The following DENND2A variants were observed in gnomAD, a reference collection of about 807,000 sequenced individuals.
The protein encoded by DENND2A is DENN domain-containing protein 2A.
DENND2A carries 53 observed loss-of-function variants against 105.3 expected under a neutral mutation model. The observed-to-expected ratio is 0.50, with a 90% CI of 0.40 to 0.63. DENND2A has a LOEUF of 0.63. DENND2A is among the 30% of genes least tolerant of loss of function. The pLI is 0.00. For synonymous variants in DENND2A, 522 were observed against 508.4 expected (o/e 1.03, Z -0.36); for missense variants, 1,138 against 1,279.6 (o/e 0.89, Z 1.69).
chr7:140,558,681 G>C, intron 10 of DENND2A, among the ~76,000 whole-genome samples: 1 of 141,496 alleles, frequency 7.1e-6, no homozygotes, highest in African/African-American at 2.6e-5. Context: ...GGGGGAAGAA[G>C]CGAGACTCTA....
rs932407823 is a variant in DENND2A, at chr7:140,559,213, C to T, written c.1889+495G>A. ...GTACAGGGCAGCCCCGGGGCTTGGA[C>T]GGTCCTTAAAGACTGCTGAGCCACC... is the stretch of plus-strand genomic sequence containing the variant. On this transcript the variant is annotated intron_variant, in intron 10 of 19. Coordinates refer to ENST00000496613, the MANE Select transcript of DENND2A (RefSeq NM_015689.5). The surrounding 1 kb of genome is among the most constrained non-coding windows in gnomAD (Gnocchi z 4.1). 4.6e-5 allele frequency among the ~76,000 whole-genome samples: 7 copies of T among 152,172 alleles called. No individual in the cohort carries two copies. The South Asian group carries it at 8.3e-4, about 18-fold the overall frequency.
chr7:140,568,993 C>T (rs1217689129), intron 7 of DENND2A, among the ~76,000 whole-genome samples, 180 bp from the exon 8 acceptor site: 7 of 151,918 alleles, frequency 4.6e-5, no homozygotes, highest in African/African-American at 9.7e-5. Flanking sequence ...GGCGCAATCT[C>T]GGCTCACTGC....
At chr7:140,541,099 A>G (rs1796638969) in intron 14 of DENND2A, among the ~76,000 whole-genome samples, 1 of 152,136 alleles carries the variant, frequency 6.6e-6, no homozygotes. Context: ...TGTCTCTGAC[A>G]AGGCCCCTTC....
rs1248873027 is a variant in DENND2A, at chr7:140,523,083, C to T, written c.2665+224G>A. ...CCACCATGCCCAGATAATTTCCACG[C>T]CCCCCTTTTAAACAGGTACTTTAAG... is the stretch of plus-strand genomic sequence containing the variant. On this transcript the variant is annotated intron_variant, in intron 17 of 19. Transcript: ENST00000496613. This position sits in a 1 kb window ranked among gnomAD's most constrained non-coding sequence, Gnocchi z 4.5. Among the ~76,000 whole-genome samples the T allele has an allele frequency of 1.3e-5, 2 of 152,050 alleles. No homozygotes were observed. Among genetic ancestry groups the T allele is most frequent in the Non-Finnish European group, 2.9e-5 (2 of 68,008 alleles).
At chr7:140,608,574 G>A (rs141103109) in intron 1 of DENND2A, among the ~76,000 whole-genome samples, 314 of 152,064 alleles carry the variant, frequency 2.1e-3, no homozygotes, top group African/African-American at 7.1e-3. Flanking sequence ...TACTCGGGAG[G>A]CTGAGGTGTG....
chr7:140,525,742 C>T lies in DENND2A; in HGVS notation c.2547+9G>A, dbSNP rs2130462925. On this transcript the variant is annotated intron_variant, in intron 16 of 19. Coordinates refer to ENST00000496613, the MANE Select transcript of DENND2A (RefSeq NM_015689.5). ...AAGGGAGCAGGAGGCCGTCGCTGGC[C>T]TCACTCACCTGTCTGAGGAACCGGC... 1 of 1,605,838 alleles carries T rather than the reference C, an allele frequency of 6.2e-7. No individual in the cohort carries two copies. The highest frequency in any genetic ancestry group is 8.5e-7 in the Non-Finnish European group (1 of 1,176,158).
intron 1 of DENND2A, among the ~76,000 whole-genome samples, chr7:140,611,481 C>T (rs1327021616): frequency 6.6e-6 from 1 of 152,064 alleles, no homozygotes; most frequent in Non-Finnish European, 1.5e-5. Context: ...GAGGCTGCAG[C>T]GAGCCTTGAT....
Position 140,639,898 on chromosome 7 carries a change from T to G in DENND2A, c.-248+606A>C, listed in dbSNP as rs1801121529. 3.3e-5 allele frequency among the ~76,000 whole-genome samples: 5 copies of G among 152,228 alleles called. No homozygotes were observed. The South Asian group carries it at 1.0e-3, about 31-fold the overall frequency. On this transcript the variant is annotated intron_variant, in intron 1 of 19. Coordinates refer to ENST00000496613, the MANE Select transcript of DENND2A (RefSeq NM_015689.5). ...TCTACTCCGTGGTCTCACCCAGCTCTCTGTGACCCTCCTAATACGATTGTG... is the reference window on the plus strand; with the variant it reads ...TCTACTCCGTGGTCTCACCCAGCTCGCTGTGACCCTCCTAATACGATTGTG...
At chr7:140,534,374 C>T (rs1045374135) in intron 14 of DENND2A, among the ~76,000 whole-genome samples, 19 of 152,296 alleles carry the variant, frequency 1.2e-4, no homozygotes, top group Middle Eastern at 3.4e-3. Flanking sequence ...TGAGCCACCA[C>T]GCCCAGCCCA....
chr7:140,623,714 C>A (rs1344324397), intron 1 of DENND2A, among the ~76,000 whole-genome samples: 1 of 133,416 alleles, frequency 7.5e-6, no homozygotes, highest in Non-Finnish European at 1.6e-5. Context: ...AGCAAGACTC[C>A]GTCTAGAAAA....
chr7:140,600,726 C>T (rs956958620), intron 3 of DENND2A, among the ~76,000 whole-genome samples: 1 of 152,070 alleles, frequency 6.6e-6, no homozygotes, highest in Admixed American at 6.6e-5. Flanking sequence ...AAAGGGAGTA[C>T]AACAACTGTT....
chr7:140,532,492 G>A (rs976723182), intron 14 of DENND2A, among the ~76,000 whole-genome samples: 15 of 152,182 alleles, frequency 9.9e-5, no homozygotes, highest in Non-Finnish European at 1.9e-4. Flanking sequence ...TTCCTTCTAC[G>A]CGTCAGACTT....
chr7:140,567,332 G>GAC, intron 8 of DENND2A, 59 bp from the exon 9 acceptor site: 1 of 1,400,636 alleles, frequency 7.1e-7, no homozygotes, highest in Non-Finnish European at 9.5e-7. Context: ...GAGAGAGAGA[G>GAC]AGAGAGAGAG....
chr7:140,601,368 G>A (rs908431715), intron 3 of DENND2A, 35 bp downstream of exon 3: 4 of 1,537,292 alleles, frequency 2.6e-6, no homozygotes, highest in African/African-American at 1.4e-5. Flanking sequence ...AGAGAGTCAG[G>A]TGGCGACACT....
chr7:140,580,371 G>A (rs1209377483), intron 5 of DENND2A, among the ~76,000 whole-genome samples: 1 of 152,064 alleles, frequency 6.6e-6, no homozygotes, highest in Non-Finnish European at 1.5e-5. Flanking sequence ...TCACTCTGGA[G>A]AGCTGTGGCA....
At chr7:140,549,354 A>G (rs1386174766) in intron 12 of DENND2A, among the ~76,000 whole-genome samples, 2 of 151,824 alleles carry the variant, frequency 1.3e-5, no homozygotes, top group Non-Finnish European at 1.5e-5. Flanking sequence ...TCTGCCTCCT[A>G]GCAAGCAATT....
At chr7:140,598,941 T>A (rs190325286) in intron 3 of DENND2A, among the ~76,000 whole-genome samples, 10 of 152,302 alleles carry the variant, frequency 6.6e-5, no homozygotes, top group Non-Finnish European at 8.8e-5. Context: ...GATTATTATT[T>A]TTTTTTGCAT....
intron 12 of DENND2A, among the ~76,000 whole-genome samples, chr7:140,555,102 C>T (rs1319287550): frequency 6.6e-6 from 1 of 151,144 alleles, no homozygotes; most frequent in Non-Finnish European, 1.5e-5. Flanking sequence ...CCCTGCACCA[C>T]ACACACTTTC....
At chr7:140,552,328 T>G (rs564376426) in intron 12 of DENND2A, among the ~76,000 whole-genome samples, 81 of 152,052 alleles carry the variant, frequency 5.3e-4, no homozygotes, top group African/African-American at 1.9e-3. Context: ...TCATTTTCCC[T>G]TCCTTCCTTT....
Sources: gnomAD v4.1 joint callset for allele counts (sites outside exome capture counted in the v4.1 genomes callset) on GRCh38, gnomAD v4.1.1 for gene constraint, Gnocchi (gnomAD v3.1) non-coding constraint, MANE v1.5 for transcripts, NCBI Gene and HGNC (gene_info 2026-07-23, HGNC 2026-07-21) for gene names.